The following DAB1 variants were observed in gnomAD, a reference collection of about 807,000 sequenced individuals.
The protein encoded by DAB1 is DAB adaptor protein 1, also known as disabled homolog 1.
Under a neutral mutation model 64.6 loss-of-function variants are expected in DAB1, and 15 were observed. The observed-to-expected ratio is 0.23, with a 90% CI of 0.16 to 0.36. The LOEUF (loss-of-function observed/expected upper bound fraction) is 0.36, where lower values mean the gene tolerates loss of function less well. Ranked by LOEUF, DAB1 falls within the 10% of genes least tolerant of loss-of-function variation. The probability of loss-of-function intolerance (pLI) is 1.00; values close to 1 mark genes in which losing one functional copy is unlikely to be tolerated. For missense variants in DAB1, 596 were observed against 706.7 expected, an observed-to-expected ratio of 0.84 and a Z score of 1.78; for synonymous variants, 235 against 251.9, an observed-to-expected ratio of 0.93 and a Z score of 0.64.
chr1:57,652,079 C>T (rs1377999596), intron 6 of DAB1, among the ~76,000 whole-genome samples: 1 of 152,148 alleles, frequency 6.6e-6, no homozygotes, highest in Non-Finnish European at 1.5e-5. Context: ...ATAGAGAAAC[C>T]TGAATTTTGC....
intron 4 of DAB1, among the ~76,000 whole-genome samples, chr1:58,260,968 AG>A (rs1304933773): frequency 6.6e-6 from 1 of 152,240 alleles, no homozygotes; most frequent in East Asian, 1.9e-4. Flanking sequence ...AACTGGGAGT[AG>A]AGGTGCTCAA....
At chr1:57,027,551 C>G (rs552465114) in intron 9 of DAB1, among the ~76,000 whole-genome samples, 10 of 152,280 alleles carry the variant, frequency 6.6e-5, no homozygotes. Context: ...ATAGTAGCTA[C>G]CCCCCAACAG....
At chr1:57,201,603 G>A (rs1489162313) in intron 2 of DAB1, among the ~76,000 whole-genome samples, 1 of 151,940 alleles carries the variant, frequency 6.6e-6, no homozygotes, top group Non-Finnish European at 1.5e-5. Context: ...AAAAACACAC[G>A]CCAAGATTGT....
At chr1:57,807,876 A>G (rs1651438847) in intron 6 of DAB1, among the ~76,000 whole-genome samples, 1 of 152,028 alleles carries the variant, frequency 6.6e-6, no homozygotes, top group Non-Finnish European at 1.5e-5. Context: ...TCCACTTAAC[A>G]GTCAATATAT....
intron 3 of DAB1, among the ~76,000 whole-genome samples, chr1:57,142,598 TCACACACACA>T (rs149545090): frequency 1.4e-5 from 2 of 142,708 alleles, no homozygotes; most frequent in African/African-American, 5.2e-5. Context: ...TCACTGCAGG[TCACACACACA>T]CACACACACA....
intron 2 of DAB1, among the ~76,000 whole-genome samples, chr1:57,200,631 G>A (rs1440507411): frequency 1.3e-5 from 2 of 152,090 alleles, no homozygotes; most frequent in East Asian, 3.9e-4. Flanking sequence ...AAAGCCCTTA[G>A]GATAGTGCCT....
chr1:57,347,490 A>G (rs1345160554), intron 1 of DAB1, among the ~76,000 whole-genome samples: 2 of 152,212 alleles, frequency 1.3e-5, no homozygotes, highest in African/African-American at 4.8e-5. Context: ...AATGTATGAG[A>G]TAATGGTCAG....
At chr1:58,476,734 A>G (rs947186925) in intron 3 of DAB1, among the ~76,000 whole-genome samples, 2 of 152,224 alleles carry the variant, frequency 1.3e-5, no homozygotes, top group African/African-American at 2.4e-5. Context: ...TATTTTTACC[A>G]TCTGTCATAG....
chr1:58,471,160 T>C (rs898191419), intron 3 of DAB1, among the ~76,000 whole-genome samples: 1 of 152,174 alleles, frequency 6.6e-6, no homozygotes, highest in East Asian at 1.9e-4. Context: ...GTGCCAGCAT[T>C]GTCCTAGCAA....
intron 11 of DAB1, among the ~76,000 whole-genome samples, chr1:57,018,052 CATT>C (rs1461040680): frequency 6.6e-6 from 1 of 152,182 alleles, no homozygotes; most frequent in Admixed American, 6.5e-5. Context: ...TACGACAAAG[CATT>C]ATTCCACATC....
intron 1 of DAB1, among the ~76,000 whole-genome samples, chr1:57,373,802 G>C (rs1200482649): frequency 6.6e-6 from 1 of 152,076 alleles, no homozygotes; most frequent in Admixed American, 6.5e-5. Context: ...CATAATCGCC[G>C]GGTTCTTATA....
At chr1:57,900,162 T>C (rs1644452808) in intron 5 of DAB1, among the ~76,000 whole-genome samples, 1 of 152,112 alleles carries the variant, frequency 6.6e-6, no homozygotes, top group African/African-American at 2.4e-5. Context: ...AAAAAGGGAC[T>C]AGGATTGAGG....
At chr1:57,449,885 GATT>G (rs1686286620) in intron 7 of DAB1, among the ~76,000 whole-genome samples, 1 of 152,196 alleles carries the variant, frequency 6.6e-6, no homozygotes, top group African/African-American at 2.4e-5. Flanking sequence ...TAGTTTTATT[GATT>G]CTAGAATTGT....
intron 4 of DAB1, among the ~76,000 whole-genome samples, chr1:57,125,910 C>G: frequency 6.6e-6 from 1 of 152,056 alleles, no homozygotes; most frequent in African/African-American, 2.4e-5. Flanking sequence ...AAGAGGTGAA[C>G]CAGAGGCTTC....
intron 4 of DAB1, among the ~76,000 whole-genome samples, chr1:58,320,787 T>G (rs971419083): frequency 1.3e-5 from 2 of 152,236 alleles, no homozygotes; most frequent in Non-Finnish European, 2.9e-5. Flanking sequence ...TGCTTGTTGC[T>G]GTATCTCAGA....
At chr1:57,788,700 G>A (rs930947010) in intron 6 of DAB1, among the ~76,000 whole-genome samples, 9 of 152,026 alleles carry the variant, frequency 5.9e-5, no homozygotes, top group Admixed American at 6.6e-5. Context: ...GAGGAACTTG[G>A]GACAACTCAC....
At chr1:57,343,469 T>C (rs1677812439) in intron 1 of DAB1, among the ~76,000 whole-genome samples, 1 of 152,122 alleles carries the variant, frequency 6.6e-6, no homozygotes, top group Non-Finnish European at 1.5e-5. Flanking sequence ...AGCCCTTGGG[T>C]GGTCGATGGG....
At chr1:58,034,326 A>G (rs930407240) in intron 5 of DAB1, among the ~76,000 whole-genome samples, 4 of 152,198 alleles carry the variant, frequency 2.6e-5, no homozygotes, top group African/African-American at 9.6e-5. Context: ...AACTCTCCCA[A>G]TAACAAGTAA....
At chr1:58,429,528 A>G (rs903093791) in intron 3 of DAB1, among the ~76,000 whole-genome samples, 2 of 152,168 alleles carry the variant, frequency 1.3e-5, no homozygotes, top group Non-Finnish European at 2.9e-5. Flanking sequence ...CTGCTGGTGG[A>G]CTGTCAGATG....
Sources: allele counts gnomAD v4.1 joint callset (sites outside exome capture counted in the v4.1 genomes callset), GRCh38; gene constraint gnomAD v4.1.1; transcripts MANE v1.5; gene names NCBI Gene and HGNC (gene_info 2026-07-23, HGNC 2026-07-21).